The following PNPLA5 variants were observed in gnomAD, a reference collection of about 807,000 sequenced individuals.
PNPLA5 encodes patatin-like phospholipase domain-containing protein 5.
In PNPLA5, 44 loss-of-function variants were observed where a neutral mutation model predicts 49.1. That is an observed-to-expected ratio of 0.90 (90% CI 0.70 to 1.15). PNPLA5 has a LOEUF of 1.15. Among genes scored for constraint, PNPLA5 ranks in the 50% most tolerant of loss-of-function variants. The pLI is 0.00. For synonymous variants in PNPLA5, 243 were observed against 244.4 expected (o/e 0.99, Z 0.06); for missense variants, 603 against 564.0 (o/e 1.07, Z -0.70).
intron 2 of PNPLA5, among the ~76,000 whole-genome samples, chr22:43,890,495 A>G (rs1363861830): frequency 1.3e-5 from 2 of 152,186 alleles, no homozygotes; most frequent in Non-Finnish European, 2.9e-5. Context: ...GGCAAATAAT[A>G]GTGTCAGGGT....
Position 43,887,628 on chromosome 22 carries a change from T to C in PNPLA5, c.726A>G (p.Gln242=), listed in dbSNP as rs1210089477. 4 of 1,606,766 alleles carry C rather than the reference T, an allele frequency of 2.5e-6. No individual in the cohort carries two copies. Among genetic ancestry groups the C allele is most frequent in the African/African-American group, 1.3e-5 (1 of 74,846 alleles). The change falls in exon 5 of 9, where the codon CAA becomes CAG. Residue 242 remains glutamine (Q), a synonymous_variant. Coordinates refer to ENST00000216177, the MANE Select transcript of PNPLA5 (RefSeq NM_138814.4). ...SLEVVADNCR[Q]GYLDALRFLE... ...GGAACCTCAGGGCATCCAGGTAGCC[T>C]TGTCTGCAGTTGTCGGCCACTACCT...
chr22:43,881,019 G>A (rs2049604698), intron 8 of PNPLA5, 134 bp from the exon 9 acceptor site: 3 of 1,235,580 alleles, frequency 2.4e-6, no homozygotes, highest in Non-Finnish European at 3.0e-6. Flanking sequence ...GAGGACATGT[G>A]GACCTCAGTG....
chr22:43,884,120 C>CA, intron 7 of PNPLA5, 93 bp downstream of exon 7: 9 of 1,189,756 alleles, frequency 7.6e-6, no homozygotes, highest in African/African-American at 1.6e-5. Flanking sequence ...CCGCCGAGCC[C>CA]TACCCACCCA....
chr22:43,888,426 CTTTTTTTTTT>C (rs11408284), intron 4 of PNPLA5, among the ~76,000 whole-genome samples: 36,814 of 84,306 alleles, frequency 0.44, 7,604 homozygotes, highest in East Asian at 0.9. Flanking sequence ...TTCTTTCCTT[CTTTTTTTTTT>C]TTTTTTTTTT....
At chr22:43,882,148 C>A (rs970300560) in intron 7 of PNPLA5, among the ~76,000 whole-genome samples, 1 of 152,186 alleles carries the variant, frequency 6.6e-6, no homozygotes, top group Admixed American at 6.5e-5. Flanking sequence ...GCCCTCCCTA[C>A]CCCATGCCCC....
chr22:43,891,927 G>A lies in PNPLA5; in HGVS notation c.-47C>T. On this transcript the variant is annotated 5_prime_UTR_variant, in exon 1 of 9. The change creates a new upstream start codon in the 5' untranslated region. Coordinates refer to ENST00000216177, the MANE Select transcript of PNPLA5 (RefSeq NM_138814.4). ...GATCGGGACGAGGAAGGGTCACTCC[G>A]TGACCCGGGATAGGGCCGGGATGCA... is the stretch of plus-strand genomic sequence containing the variant. The A allele has an allele frequency of 6.7e-7, 1 of 1,484,064 alleles. No homozygotes were observed. The highest frequency in any genetic ancestry group is 2.6e-5 in the East Asian group (1 of 38,070). 91.9% of individuals were successfully genotyped at this position (1,484,064 alleles called of 1,614,324 possible).
intron 6 of PNPLA5, 103 bp downstream of exon 6, chr22:43,886,200 C>G (rs1212793323): frequency 2.3e-6 from 3 of 1,326,284 alleles, no homozygotes; most frequent in Non-Finnish European, 3.1e-6. Context: ...TAAATGAGTC[C>G]TGTCCTCTTC....
In PNPLA5 at chr22:43,889,800, T is replaced by A; in HGVS notation, c.491A>T (p.Glu164Val). The A allele has an allele frequency of 6.2e-7, 1 of 1,612,148 alleles. No individual in the cohort carries two copies. The highest frequency in any genetic ancestry group is 1.3e-5 in the African/African-American group (1 of 74,922). ...CGLIPPEFRG[E>V]RYIDGALSNN... ...AACGGGGTTCCAGAGTGCACTCACC[T>A]CCCCTCTGAACTCGGGGGGGATCAG... The change falls in exon 3 of 9, where the codon GAG becomes GTG. Residue 164 changes from glutamate to valine, a missense_variant and splice_region_variant. Coordinates refer to ENST00000216177, the MANE Select transcript of PNPLA5 (RefSeq NM_138814.4).
Position 43,889,527 on chromosome 22 carries a change from A to G in PNPLA5, c.504T>C (p.Asp168=). 5 of 1,609,776 alleles carry G rather than the reference A, an allele frequency of 3.1e-6. No homozygotes were observed. The highest frequency in any genetic ancestry group is 4.2e-6 in the Non-Finnish European group (5 of 1,177,346). ...AGGGCAAGTTGTTGCTCAGAGCCCC[A>G]TCGATGTAGCGCTGCAATTTGTGGG... The part of the protein sequence containing the change: ...PPEFRGERYI[D]GALSNNLPFA... The change falls in exon 4 of 9, where the codon GAT becomes GAC. Residue 168 remains aspartate, a synonymous_variant. Transcript: ENST00000216177.
rs2049702586 is a variant in PNPLA5 at position 43,889,680 on chromosome 22, G to A, written c.492+119C>T. The stretch of plus-strand genomic sequence containing the variant: ...GGCTGAACGCCCCCCAGGAGCAGGG[G>A]GAGGGCCTGGCACACAGTAGGTGCT... On this transcript the variant is annotated intron_variant, in intron 3 of 8. Transcript: ENST00000216177. 2.6e-6 allele frequency: 4 copies of A among 1,513,674 alleles called. No individual in the cohort carries two copies. The East Asian group carries it at 9.2e-5, about 35-fold the overall frequency. The allele number at this position is 1,513,674 out of a possible 1,614,324, so 93.8% of individuals were successfully genotyped here. A position where few individuals can be genotyped will look rare whatever the true frequency, so the allele number is the denominator to read the frequency against.
intron 4 of PNPLA5, 153 bp downstream of exon 4, chr22:43,889,176 T>C: frequency 1.2e-6 from 1 of 833,186 alleles, no homozygotes; most frequent in South Asian, 1.7e-5. Flanking sequence ...AACCCCAAGC[T>C]TAGGATTCAG....
chr22:43,882,419 G>A (rs1402148558), intron 7 of PNPLA5, among the ~76,000 whole-genome samples: 2 of 152,182 alleles, frequency 1.3e-5, no homozygotes, highest in Admixed American at 6.5e-5. Context: ...GCCTCAACCT[G>A]CACCACAGCA....
chr22:43,887,539 A>C (rs905848577), intron 5 of PNPLA5, 52 bp downstream of exon 5: 1 of 1,585,310 alleles, frequency 6.3e-7, no homozygotes, highest in Non-Finnish European at 8.6e-7. Context: ...GGCAGGGTCT[A>C]CCTGGCACCA....
intron 4 of PNPLA5, 41 bp downstream of exon 4, chr22:43,889,288 C>T (rs894202787): frequency 6.8e-6 from 11 of 1,606,236 alleles, no homozygotes; most frequent in African/African-American, 1.3e-5. Context: ...GGGCCCTTGA[C>T]CTTGGCCAAG....
chr22:43,886,614 A>G lies in PNPLA5; in HGVS notation c.764-126T>C, dbSNP rs2049667684. ...CCACTGTGCTGTGGGACGGACCCACAGCTTATTCCGGATGACTCCCTTCTG... is the reference window on the plus strand; with the variant it reads ...CCACTGTGCTGTGGGACGGACCCACGGCTTATTCCGGATGACTCCCTTCTG... On this transcript the variant is annotated intron_variant, in intron 5 of 8. Coordinates refer to ENST00000216177, the MANE Select transcript of PNPLA5 (RefSeq NM_138814.4). 1.1e-5 allele frequency: 16 copies of G among 1,445,030 alleles called. No individual in the cohort carries two copies. The South Asian group carries it at 2.5e-4, about 22-fold the overall frequency. The allele number at this position is 1,445,030 out of a possible 1,614,324, so 89.5% of individuals were successfully genotyped here.
At position 43,889,355 on chromosome 22, in the gene PNPLA5, T is replaced by C; in HGVS notation, c.676A>G (p.Ile226Val). 1.2e-6 allele frequency: 2 copies of C among 1,613,908 alleles called. No homozygotes were observed. The highest frequency in any genetic ancestry group is 2.2e-5 in the East Asian group (1 of 44,866). Residue 226 changes from isoleucine (I) to valine (V), a missense_variant, in exon 4 of 9, where the codon ATA (isoleucine) becomes GTA (valine). Physicochemically the swap from Ile to Val is conservative, Grantham distance 29. Coordinates refer to ENST00000216177, the MANE Select transcript of PNPLA5 (RefSeq NM_138814.4). Reference protein sequence around the residue: ...ISTENFFLGLICLIPPSLEVV... With the variant: ...ISTENFFLGLVCLIPPSLEVV... ...TCGAGGCTGGGGGGTATGAGACATA[T>C]GAGCCCCAGGAAGAAGTTCTCAGTG...
chr22:43,886,251 G>T, intron 6 of PNPLA5, 52 bp downstream of exon 6: 1 of 1,549,674 alleles, frequency 6.5e-7, no homozygotes, highest in Non-Finnish European at 8.7e-7. Flanking sequence ...CTGAGCCCGG[G>T]CCCCTGAGTG....
chr22:43,882,294 C>T (rs762723097), intron 7 of PNPLA5, among the ~76,000 whole-genome samples: 34 of 152,212 alleles, frequency 2.2e-4, no homozygotes, highest in Non-Finnish European at 4.7e-4. Flanking sequence ...CTTGGAACTG[C>T]GTGTTATCCC....
Position 43,884,291 on chromosome 22 carries a change from G to C in PNPLA5, c.1004C>G (p.Ser335Trp), listed in dbSNP as rs780690737. The change falls in exon 7 of 9, where the codon TCG becomes TGG. Residue 335 changes from serine (S) to tryptophan (W), a missense_variant. By Grantham distance (177) the Ser-to-Trp change is radical (BLOSUM62 -3). Transcript: ENST00000216177. ...DPSRWARFWH[S>W]GPGQVLTYLL... ...GTACGTCAGCACCTGTCCAGGCCCCGAGTGCCAGAAGCGGGCCCACCGGCT... is the reference window on the plus strand; with the variant it reads ...GTACGTCAGCACCTGTCCAGGCCCCCAGTGCCAGAAGCGGGCCCACCGGCT... The C allele has an allele frequency of 6.2e-7, 1 of 1,601,024 alleles. No individual in the cohort carries two copies.
Sources: gnomAD v4.1 joint callset for allele counts (sites outside exome capture counted in the v4.1 genomes callset) on GRCh38, gnomAD v4.1.1 for gene constraint, MANE v1.5 for transcripts, NCBI Gene and HGNC (gene_info 2026-07-23, HGNC 2026-07-21) for gene names.